LMLN: variants seen among roughly 807,000 people sequenced by gnomAD.
LMLN encodes the protein leishmanolysin like peptidase.
LMLN carries 70 observed loss-of-function variants against 92.3 expected under a neutral mutation model. The observed-to-expected ratio is 0.76, with a 90% confidence interval of 0.63 to 0.92. LMLN has a LOEUF of 0.92. Ranked by LOEUF, LMLN falls within the 40% of genes least tolerant of loss-of-function variation. The probability of loss-of-function intolerance (pLI) is 0.00; values close to 1 mark genes in which losing one functional copy is unlikely to be tolerated. For missense variants in LMLN, 691 were observed against 814.6 expected (o/e 0.85, Z 1.85); for synonymous variants, 308 against 296.2 (o/e 1.04, Z -0.41).
At chr3:197,972,905 C>T (rs1336153373) in intron 1 of LMLN, among the ~76,000 whole-genome samples, 2 of 152,226 alleles carry the variant, frequency 1.3e-5, no homozygotes, top group East Asian at 3.9e-4. Context: ...GTGGCTTCTT[C>T]TCTTGCAAGA....
rs1581178439 is a variant in LMLN, at chr3:198,024,598, A to C, written c.1526-60A>C. 2.9e-5 allele frequency: 40 copies of C among 1,393,320 alleles called. 1 individual carries two copies. The East Asian group carries it at 1.0e-3, about 35-fold the overall frequency. 86.3% of individuals were successfully genotyped at this position (1,393,320 alleles called of 1,614,324 possible). ...TTTAATCATAAAAATGGAATGGTTC[A>C]GTTTCTTGTTCTTTGAGCCAAAAGT... On this transcript the variant is annotated intron_variant, in intron 13 of 15. Transcript: ENST00000330198.
At chr3:197,975,061 A>G in exon 3 of LMLN, 1 of 1,489,722 alleles carries the variant, frequency 6.7e-7, no homozygotes, top group Non-Finnish European at 9.3e-7. Flanking sequence ...TGAGAAAAAG[A>G]ATCTTGTAAA....
At chr3:198,016,235 A>G (rs1049633191) in intron 11 of LMLN, among the ~76,000 whole-genome samples, 1 of 151,784 alleles carries the variant, frequency 6.6e-6, no homozygotes, top group South Asian at 2.1e-4. Flanking sequence ...TACTATTCTC[A>G]TCTTTTCTCA....
chr3:197,988,327 A>G (rs924386591), intron 8 of LMLN, among the ~76,000 whole-genome samples: 1 of 151,886 alleles, frequency 6.6e-6, no homozygotes, highest in Admixed American at 6.6e-5. Context: ...TTATAAAAAT[A>G]TTCTCCTACA....
chr3:197,976,344 C>T, intron 4 of LMLN: 1 of 475,510 alleles, frequency 2.1e-6, no homozygotes, highest in South Asian at 4.1e-5. Context: ...GTAGTTGTCC[C>T]CTGTTCTCCA....
chr3:197,999,507 A>G, intron 11 of LMLN, 165 bp downstream of exon 11: 1 of 601,006 alleles, frequency 1.7e-6, no homozygotes, highest in Non-Finnish European at 3.0e-6. Flanking sequence ...AACTCCATTC[A>G]TTCATTCGTT....
exon 16 of LMLN, chr3:198,038,896 ACCACC>A: frequency 3.8e-6 from 1 of 265,404 alleles, no homozygotes; most frequent in African/African-American, 1.3e-4. Context: ...CAGCAACCCA[ACCACC>A]TCGTCAGCAA....
intron 11 of LMLN, among the ~76,000 whole-genome samples, chr3:198,005,645 T>C (rs1277918445): frequency 2.7e-5 from 4 of 150,882 alleles, no homozygotes; most frequent in African/African-American, 4.9e-5. Context: ...TTTCTTTTTT[T>C]TTTTTTTGAG....
chr3:197,997,010 C>A (rs1361868549), intron 10 of LMLN, among the ~76,000 whole-genome samples: 2 of 149,522 alleles, frequency 1.3e-5, no homozygotes, highest in Non-Finnish European at 2.9e-5. Context: ...CTTTTCTTTT[C>A]TTTTCCTTTC....
exon 6 of LMLN, chr3:197,980,356 C>T (rs759418320): frequency 6.2e-7 from 1 of 1,613,902 alleles, no homozygotes; most frequent in South Asian, 1.1e-5. Flanking sequence ...GGGTAAGTGG[C>T]CTCATGGAGC....
chr3:197,992,254 G>C (rs75924132), intron 9 of LMLN, among the ~76,000 whole-genome samples: 1 of 151,878 alleles, frequency 6.6e-6, no homozygotes, highest in South Asian at 2.1e-4. Context: ...TATAGAAATA[G>C]TACCACGGAT....
chr3:197,983,368 C>G (rs1721611301), intron 6 of LMLN, among the ~76,000 whole-genome samples: 1 of 152,092 alleles, frequency 6.6e-6, no homozygotes, highest in Non-Finnish European at 1.5e-5. Flanking sequence ...TTTGGACTTG[C>G]AGGTTCTAGG....
At chr3:198,028,595 G>C (rs973159651) in intron 14 of LMLN, among the ~76,000 whole-genome samples, 1 of 152,174 alleles carries the variant, frequency 6.6e-6, no homozygotes, top group African/African-American at 2.4e-5. Flanking sequence ...TGATGAAACT[G>C]AGATCATGGA....
At chr3:198,007,581 C>T (rs58732557) in intron 11 of LMLN, among the ~76,000 whole-genome samples, 232 of 152,338 alleles carry the variant, frequency 1.5e-3, no homozygotes, top group African/African-American at 5.1e-3. Flanking sequence ...ACACACAGTC[C>T]TTAATTACTG....
intron 9 of LMLN, among the ~76,000 whole-genome samples, chr3:197,993,384 G>C (rs1435301101): frequency 6.6e-6 from 1 of 151,468 alleles, no homozygotes; most frequent in East Asian, 1.9e-4. Context: ...AAAATTATGA[G>C]GATTAATAAA....
At chr3:197,978,752 G>T (rs1317970836) in intron 5 of LMLN, among the ~76,000 whole-genome samples, 9 of 152,062 alleles carry the variant, frequency 5.9e-5, no homozygotes. Flanking sequence ...GCACTTTAGG[G>T]GGCTGAGGTG....
At chr3:197,974,099 C>T (rs1480250390) in intron 1 of LMLN, among the ~76,000 whole-genome samples, 3 of 152,200 alleles carry the variant, frequency 2.0e-5, no homozygotes, top group Admixed American at 6.5e-5. Flanking sequence ...TGTAAGATCA[C>T]TACAAATAAG....
intron 1 of LMLN, among the ~76,000 whole-genome samples, chr3:197,971,103 T>G (rs1721211614): frequency 6.6e-6 from 1 of 152,208 alleles, no homozygotes; most frequent in African/African-American, 2.4e-5. Flanking sequence ...TCTTTATTGT[T>G]CTTCACAGAA....
At chr3:197,975,397 C>T (rs1008433577) in intron 3 of LMLN, among the ~76,000 whole-genome samples, 1 of 152,146 alleles carries the variant, frequency 6.6e-6, no homozygotes, top group South Asian at 2.1e-4. Context: ...ACACTGTTCT[C>T]TTGGTGGAAA....
Sources: gnomAD v4.1 joint callset for allele counts (sites outside exome capture counted in the v4.1 genomes callset) on GRCh38, gnomAD v4.1.1 for gene constraint, MANE v1.5 for transcripts, NCBI Gene and HGNC (gene_info 2026-07-23, HGNC 2026-07-21) for gene names.